Variants in MME observed in about 807,000 individuals in gnomAD.
MME encodes neprilysin.
Under a neutral mutation model 113.2 loss-of-function variants are expected in MME, and 98 were observed. The ratio of observed to expected loss-of-function variants is 0.87; its 90% CI spans 0.74 to 1.02. MME has a LOEUF of 1.02. MME is among the 50% of genes least tolerant of loss of function. The probability of loss-of-function intolerance (pLI) is 0.00; values close to 1 mark genes in which losing one functional copy is unlikely to be tolerated. For missense variants in MME, 836 were observed against 896.0 expected, an observed-to-expected ratio of 0.93 and a Z score of 0.86; for synonymous variants, 292 against 300.6, an observed-to-expected ratio of 0.97 and a Z score of 0.30.
At chr3:155,100,356 C>T (rs1717103821) in intron 3 of MME, among the ~76,000 whole-genome samples, 1 of 151,946 alleles carries the variant, frequency 6.6e-6, no homozygotes, top group Admixed American at 6.6e-5. Flanking sequence ...AATGAGATAT[C>T]ATCTCACACC....
intron 16 of MME, among the ~76,000 whole-genome samples, chr3:155,159,224 C>T (rs898483093): frequency 1.3e-5 from 2 of 152,030 alleles, no homozygotes; most frequent in African/African-American, 4.8e-5. Context: ...CTTTGTACAG[C>T]TCACCTGGCA....
intron 16 of MME, among the ~76,000 whole-genome samples, chr3:155,153,444 G>A (rs936685740): frequency 3.9e-5 from 6 of 152,026 alleles, no homozygotes; most frequent in South Asian, 2.1e-4. Flanking sequence ...GTGCTGAATC[G>A]GGAATATAAT....
chr3:155,031,071 G>A (rs538857720), intron 1 of MME, among the ~76,000 whole-genome samples: 1 of 152,308 alleles, frequency 6.6e-6, no homozygotes, highest in African/African-American at 2.4e-5. Flanking sequence ...GGGATCCAAA[G>A]AGGGAACTTT....
At position 155,166,986 on chromosome 3, in the gene MME, T is replaced by C. The variant is rs1723146996; in HGVS notation, c.1745T>C (p.Ile582Thr). The C allele has an allele frequency of 6.2e-7, 1 of 1,613,748 alleles. No individual in the cohort carries two copies. The highest frequency in any genetic ancestry group is 1.1e-5 in the South Asian group (1 of 91,086). Reference protein sequence around the residue: ...SLNYGGIGMVIGHEITHGFDD... With the variant: ...SLNYGGIGMVTGHEITHGFDD... ...AACTATGGGGGCATCGGCATGGTCA[T>C]AGGACACGAAATCACCCATGGCTTC... Residue 582 changes from isoleucine (I) to threonine (T), a missense_variant, in exon 18 of 23, where the codon ATA (isoleucine) becomes ACA (threonine). By Grantham distance (89) the Ile-to-Thr change is moderately conservative. Transcript: ENST00000360490.
At chr3:155,062,454 G>C (rs1263986974) in intron 1 of MME, among the ~76,000 whole-genome samples, 1 of 152,090 alleles carries the variant, frequency 6.6e-6, no homozygotes, top group Admixed American at 6.6e-5. Context: ...GTTCAAGATT[G>C]TTCTTCCTTC....
intron 8 of MME, among the ~76,000 whole-genome samples, chr3:155,119,864 G>T (rs779259390): frequency 0.13 from 8,777 of 69,420 alleles, 584 homozygotes; most frequent in Middle Eastern, 0.2. Flanking sequence ...GAATAATGCC[G>T]CAATAAACAT....
intron 1 of MME, among the ~76,000 whole-genome samples, chr3:155,042,902 A>G (rs1191473195): frequency 4.0e-5 from 2 of 50,528 alleles, no homozygotes; most frequent in Non-Finnish European, 7.4e-5. Context: ...AGTAGGTTTT[A>G]TATATATATA....
At chr3:155,172,034 C>T in intron 20 of MME, 83 bp from the exon 21 acceptor site, 2 of 803,620 alleles carry the variant, frequency 2.5e-6, no homozygotes, top group Non-Finnish European at 4.3e-6. Flanking sequence ...ATGTTAATTA[C>T]TTGGTGGCAT....
At chr3:155,163,012 CAA>C (rs57700088) in intron 17 of MME, among the ~76,000 whole-genome samples, 50 of 78,270 alleles carry the variant, frequency 6.4e-4, no homozygotes, top group Non-Finnish European at 7.7e-4. Flanking sequence ...AACTCTGTCT[CAA>C]AAAAAAAAAA....
At chr3:155,172,711 G>A (rs1278729094) in intron 22 of MME, 99 bp downstream of exon 22, 2 of 906,950 alleles carry the variant, frequency 2.2e-6, no homozygotes, top group Admixed American at 2.0e-5. Flanking sequence ...TTTTACATTT[G>A]GAAATTCAGT....
intron 8 of MME, among the ~76,000 whole-genome samples, chr3:155,131,569 G>A (rs1185298868): frequency 6.6e-6 from 1 of 152,140 alleles, no homozygotes; most frequent in Non-Finnish European, 1.5e-5. Context: ...TTTGTAAAAA[G>A]AGCTAGATTC....
chr3:155,085,132 G>A (rs1335248974), intron 3 of MME, 38 bp downstream of exon 3: 1 of 1,304,164 alleles, frequency 7.7e-7, no homozygotes, highest in South Asian at 1.3e-5. Context: ...TTATACAACT[G>A]ATGTATAATA....
At chr3:155,027,195 C>A (rs749236650) in intron 1 of MME, among the ~76,000 whole-genome samples, 7 of 152,178 alleles carry the variant, frequency 4.6e-5, no homozygotes, top group Admixed American at 1.3e-4. Flanking sequence ...CATTTCAGAA[C>A]TGCCCTGAGT....
chr3:155,044,460 A>G (rs936068484), intron 1 of MME, among the ~76,000 whole-genome samples: 3 of 152,026 alleles, frequency 2.0e-5, no homozygotes, highest in Non-Finnish European at 2.9e-5. Flanking sequence ...TTTATTGTTT[A>G]CTGCTAGAGC....
At chr3:155,062,768 G>T (rs1204357241) in intron 1 of MME, among the ~76,000 whole-genome samples, 1 of 151,920 alleles carries the variant, frequency 6.6e-6, no homozygotes, top group Admixed American at 6.6e-5. Context: ...AAAAAGGAAA[G>T]AATTGACTGG....
At chr3:155,084,132 A>G (rs1281577929) in intron 1 of MME, 26 bp from the exon 2 acceptor site, 1 of 1,564,824 alleles carries the variant, frequency 6.4e-7, no homozygotes, top group Non-Finnish European at 8.8e-7. Context: ...TTTGTTTTTC[A>G]TTATTAGTAT....
chr3:155,089,249 T>G (rs1220710381), intron 3 of MME, among the ~76,000 whole-genome samples: 1 of 152,158 alleles, frequency 6.6e-6, no homozygotes, highest in Non-Finnish European at 1.5e-5. Context: ...CATCAAAAAC[T>G]TAGAGTTATA....
chr3:155,094,943 G>C (rs1716610678), intron 3 of MME, among the ~76,000 whole-genome samples: 1 of 152,242 alleles, frequency 6.6e-6, no homozygotes, highest in Admixed American at 6.5e-5. Context: ...CAGCCACTGA[G>C]AATGTGCAAA....
chr3:155,126,156 A>G (rs1018160663), intron 8 of MME, among the ~76,000 whole-genome samples: 7 of 152,184 alleles, frequency 4.6e-5, no homozygotes, highest in African/African-American at 1.4e-4. Context: ...AGTACAATCT[A>G]GTTGCTGTGT....
Sources: allele counts gnomAD v4.1 joint callset (sites outside exome capture counted in the v4.1 genomes callset), GRCh38; gene constraint gnomAD v4.1.1; transcripts MANE v1.5; gene names NCBI Gene and HGNC (gene_info 2026-07-23, HGNC 2026-07-21).